Variants in TBR1 observed in about 807,000 individuals in gnomAD.
TBR1 encodes T-box brain transcription factor 1, also known as T-box brain protein 1.
Under a neutral mutation model 60.3 loss-of-function variants are expected in TBR1, and 7 were observed. The observed-to-expected ratio is 0.12, with a 90% confidence interval of 0.07 to 0.22. The LOEUF (loss-of-function observed/expected upper bound fraction) is 0.22. TBR1 is among the 10% of genes least tolerant of loss of function. The probability of loss-of-function intolerance (pLI) is 1.00; values close to 1 mark genes in which losing one functional copy is unlikely to be tolerated. For missense variants in TBR1, 616 were observed against 936.8 expected, an observed-to-expected ratio of 0.66 and a Z score of 4.47; for synonymous variants, 417 against 409.9, an observed-to-expected ratio of 1.02 and a Z score of -0.21.
intron 5 of TBR1, chr2:161,422,463 C>T (rs974969441): frequency 6.6e-6 from 1 of 152,226 alleles, no homozygotes; most frequent in South Asian, 2.1e-4. Context: ...AGTTACCTAG[C>T]TCACAGTGCC....
At chr2:161,418,523 AT>A in intron 3 of TBR1, 1 of 757,566 alleles carries the variant, frequency 1.3e-6, no homozygotes, top group Non-Finnish European at 2.0e-6. Flanking sequence ...CGTCGGCCCA[AT>A]TTTGGAGTGC....
rs752568288 is a variant in TBR1 at position 161,418,373 on chromosome 2, T to TGAC, written c.969+52_969+54dup. 8.2e-5 allele frequency: 130 copies of TGAC among 1,589,024 alleles called. 1 individual carries two copies. In the East Asian group the frequency reaches 2.9e-3, roughly 36 times the overall value. On this transcript the variant is annotated intron_variant, in intron 3 of 5. Transcript: ENST00000389554. ...TCTCTCTCTCTCACCCCTTCCTCCC[T>TGAC]GACATCCAGTTCGTCAGTGTAAAGC...
At chr2:161,419,155 T>A in intron 4 of TBR1, 105 bp downstream of exon 4, 2 of 1,536,160 alleles carry the variant, frequency 1.3e-6, no homozygotes, top group Non-Finnish European at 8.9e-7. Context: ...AGCGCTAACA[T>A]CAGCAACAGC....
Position 161,416,390 on chromosome 2 carries a change from G to A in TBR1, c.-21G>A. ...CTTTAAAAACCAGGGACGGGAGGGC[G>A]AGTGTTCAGGTTCTAGAGCTATGCA... On this transcript the variant is annotated 5_prime_UTR_variant, in exon 1 of 6. Transcript: ENST00000389554. The surrounding 1 kb of genome is among the most constrained non-coding windows in gnomAD (Gnocchi z 6.1). 1 of 1,533,574 alleles carries A rather than the reference G, an allele frequency of 6.5e-7. No individual in the cohort carries two copies. Among genetic ancestry groups the A allele is most frequent in the African/African-American group, 1.4e-5 (1 of 72,342 alleles). The allele number at this position is 1,533,574 out of a possible 1,614,324, so 95.0% of individuals were successfully genotyped here.
At chr2:161,422,514 T>C (rs1684248588) in intron 5 of TBR1, 1 of 152,242 alleles carries the variant, frequency 6.6e-6, no homozygotes, top group African/African-American at 2.4e-5. Flanking sequence ...CTATTATTAG[T>C]GGTCCATTGC....
At chr2:161,419,218 T>TG in intron 4 of TBR1, 168 bp downstream of exon 4, 1 of 953,984 alleles carries the variant, frequency 1.0e-6, no homozygotes, top group Non-Finnish European at 1.5e-6. Context: ...CCACGGCACC[T>TG]TTCCTAAATA....
intron 5 of TBR1, chr2:161,420,759 T>C (rs1684219136): frequency 6.6e-6 from 1 of 152,622 alleles, no homozygotes; most frequent in Non-Finnish European, 1.5e-5. Context: ...CCAAGTTTTG[T>C]ATAATAGCAT....
Position 161,424,076 on chromosome 2 carries a change from A to G in TBR1, c.1898A>G (p.Glu633Gly). ...SIDSSDSGIY[E>G]QAKRRRISPA... ...GACTCCAGCGACTCGGGGATTTACG[A>G]GCAGGCCAAGCGGAGGCGGATCTCG... Residue 633 changes from glutamate to glycine, a missense_variant, in exon 6 of 6, where the codon GAG becomes GGG. Transcript: ENST00000389554. The surrounding 1 kb of genome is among the most constrained non-coding windows in gnomAD (Gnocchi z 4.4). The G allele has an allele frequency of 6.2e-7, 1 of 1,611,260 alleles. No homozygotes were observed. The highest frequency in any genetic ancestry group is 8.5e-7 in the Non-Finnish European group (1 of 1,179,124).
At position 161,424,315 on chromosome 2, in the gene TBR1, T is replaced by C. The variant is rs1332411288; in HGVS notation, c.*88T>C. On this transcript the variant is annotated 3_prime_UTR_variant, in exon 6 of 6. Coordinates refer to ENST00000389554, the MANE Select transcript of TBR1 (RefSeq NM_006593.4). The surrounding 1 kb of genome is among the most constrained non-coding windows in gnomAD (Gnocchi z 4.4). ...CCCCAGCTCCGCCTCCCCACACTCC[T>C]CCTTGCGCACCCACTCATTTTATTT... The C allele has an allele frequency of 1.4e-5, 19 of 1,355,280 alleles. No individual in the cohort carries two copies. In the Admixed American group the frequency reaches 4.6e-4, roughly 33 times the overall value. 84.0% of individuals were successfully genotyped at this position (1,355,280 alleles called of 1,614,324 possible).
chr2:161,417,903 C>G lies in TBR1; in HGVS notation c.847+73C>G. On this transcript the variant is annotated intron_variant, in intron 2 of 5. Transcript: ENST00000389554. The surrounding 1 kb of genome is among the most constrained non-coding windows in gnomAD (Gnocchi z 5.3). ...AATGATTAATTAAAGCCTTTGTGGA[C>G]TGGCTCGAGCGACTTTTAAAACGAT... The G allele has an allele frequency of 2.0e-6, 3 of 1,535,040 alleles. No individual in the cohort carries two copies.
At chr2:161,418,050 A>T in intron 2 of TBR1, 151 bp from the exon 3 acceptor site, 2 of 1,459,446 alleles carry the variant, frequency 1.4e-6, no homozygotes, top group South Asian at 1.5e-5. Context: ...AGAATGGCCT[A>T]AAAAAGCCCC....
rs966019127 is a variant in TBR1, at chr2:161,425,204, A to G, written c.*977A>G. ...TATTTTGCCTTATTTGTTTTTCCCC[A>G]AAGTGCCAAATCCATTACTGGTCTG... On this transcript the variant is annotated 3_prime_UTR_variant, in exon 6 of 6. Transcript: ENST00000389554. 8 of 152,216 alleles carry G rather than the reference A, an allele frequency of 5.3e-5. No individual in the cohort carries two copies. The highest frequency in any genetic ancestry group is 5.2e-4 in the Admixed American group (8 of 15,280). The allele number at this position is 152,216 out of a possible 1,614,324, so 9.4% of individuals were successfully genotyped here. A position where few individuals can be genotyped will look rare whatever the true frequency, so the allele number is the denominator to read the frequency against.
Position 161,416,817 on chromosome 2 carries a change from C to A in TBR1, c.407C>A (p.Ala136Asp). 6.2e-7 allele frequency: 1 copy of A among 1,614,164 alleles called. No individual in the cohort carries two copies. The highest frequency in any genetic ancestry group is 8.5e-7 in the Non-Finnish European group (1 of 1,180,042). ...YPGQHGPAHP[A>D]FSIGSPSRYM... Reference sequence around the variant, plus strand: ...GGCCAGCACGGACCGGCGCACCCCGCCTTCTCCATCGGCAGCCCTAGCCGC... The same window carrying A: ...GGCCAGCACGGACCGGCGCACCCCGACTTCTCCATCGGCAGCCCTAGCCGC... The change falls in exon 1 of 6, where the codon GCC becomes GAC. Residue 136 changes from alanine (A) to aspartate (D), a missense_variant. Physicochemically the swap from Ala to Asp is moderately radical, Grantham distance 126 (BLOSUM62 -2). Coordinates refer to ENST00000389554, the MANE Select transcript of TBR1 (RefSeq NM_006593.4). The surrounding 1 kb of genome is among the most constrained non-coding windows in gnomAD (Gnocchi z 6.1).
At chr2:161,418,740 G>T (rs1684176781) in intron 3 of TBR1, 152 bp from the exon 4 acceptor site, 1 of 1,087,146 alleles carries the variant, frequency 9.2e-7, no homozygotes, top group African/African-American at 1.7e-5. Flanking sequence ...CCAGCCAGCC[G>T]CCAGCCAGGC....
Position 161,423,530 on chromosome 2 carries a change from C to T in TBR1, c.1352C>T (p.Ala451Val). 1.9e-6 allele frequency: 3 copies of T among 1,575,920 alleles called. No individual in the cohort carries two copies. Among genetic ancestry groups the T allele is most frequent in the Non-Finnish European group, 2.6e-6 (3 of 1,164,138 alleles). ...AKARFHPGAGAGPGPGTDRSV... is the reference protein window; with the variant it reads ...AKARFHPGAGVGPGPGTDRSV... Reference sequence around the variant, plus strand: ...GCCCGCTTCCACCCGGGCGCGGGCGCGGGCCCCGGGCCGGGTACGGACCGC... The same window carrying T: ...GCCCGCTTCCACCCGGGCGCGGGCGTGGGCCCCGGGCCGGGTACGGACCGC... The change falls in exon 6 of 6, where the codon GCG (alanine) becomes GTG (valine). Residue 451 changes from alanine to valine, a missense_variant. Physicochemically the swap from Ala to Val is moderately conservative, Grantham distance 64. Transcript: ENST00000389554.
Position 161,424,262 on chromosome 2 carries a change from G to C in TBR1, c.*35G>C. The C allele has an allele frequency of 6.6e-7, 1 of 1,516,230 alleles. No individual in the cohort carries two copies. The highest frequency in any genetic ancestry group is 8.9e-7 in the Non-Finnish European group (1 of 1,125,366). The allele number at this position is 1,516,230 out of a possible 1,614,324, so 93.9% of individuals were successfully genotyped here. On this transcript the variant is annotated 3_prime_UTR_variant, in exon 6 of 6. Coordinates refer to ENST00000389554, the MANE Select transcript of TBR1 (RefSeq NM_006593.4). The surrounding 1 kb of genome is among the most constrained non-coding windows in gnomAD (Gnocchi z 4.4). ...GCCCGCCCGGCCCCGCCGCGGCCCG[G>C]ACCCCCAGCCAGCCCCTCACAGCTC...
chr2:161,416,443 C>A lies in TBR1; in HGVS notation c.33C>A (p.Ile11=). Residue 11 remains isoleucine (I), a synonymous_variant, in exon 1 of 6, where the codon ATC becomes ATA. Transcript: ENST00000389554. The surrounding 1 kb of genome is among the most constrained non-coding windows in gnomAD (Gnocchi z 6.1). ...TGGAGCACTGCCTTTCTCCTTCTATCATGCTCTCCAAGAAATTTCTCAATG... is the reference window on the plus strand; with the variant it reads ...TGGAGCACTGCCTTTCTCCTTCTATAATGCTCTCCAAGAAATTTCTCAATG... The part of the protein sequence containing the change: MQLEHCLSPS[I]MLSKKFLNVS... The A allele has an allele frequency of 1.9e-6, 3 of 1,608,116 alleles. No homozygotes were observed. Among genetic ancestry groups the A allele is most frequent in the Non-Finnish European group, 2.5e-6 (3 of 1,176,718 alleles).
At position 161,417,983 on chromosome 2, in the gene TBR1, G is replaced by A; in HGVS notation, c.847+153G>A. 1 of 1,452,936 alleles carries A rather than the reference G, an allele frequency of 6.9e-7. No homozygotes were observed. Among genetic ancestry groups the A allele is most frequent in the East Asian group, 2.5e-5 (1 of 40,158 alleles). The allele number at this position is 1,452,936 out of a possible 1,614,324, so 90.0% of individuals were successfully genotyped here. On this transcript the variant is annotated intron_variant, in intron 2 of 5. Coordinates refer to ENST00000389554, the MANE Select transcript of TBR1 (RefSeq NM_006593.4). The surrounding 1 kb of genome is among the most constrained non-coding windows in gnomAD (Gnocchi z 5.3). ...GGGACAGGGGGACAGACTGAGCTGCGAGAAGGGGGAGGATTATGCAAAAGC... is the reference window on the plus strand; with the variant it reads ...GGGACAGGGGGACAGACTGAGCTGCAAGAAGGGGGAGGATTATGCAAAAGC...
At position 161,423,423 on chromosome 2, in the gene TBR1, G is replaced by T. The variant is rs376920114; in HGVS notation, c.1245G>T (p.Pro415=). The T allele has an allele frequency of 1.4e-5, 23 of 1,592,912 alleles. No homozygotes were observed. The highest frequency in any genetic ancestry group is 1.9e-5 in the Non-Finnish European group (22 of 1,169,966). Residue 415 remains proline (P), a synonymous_variant, in exon 6 of 6, where the codon CCG becomes CCT. Transcript: ENST00000389554. ...DRLTPSPNDS[P]RSQIVPGARY... ...TGACCCCCTCGCCCAACGACTCGCCGCGCTCGCAGATCGTGCCCGGGGCCC... is the reference window on the plus strand; with the variant it reads ...TGACCCCCTCGCCCAACGACTCGCCTCGCTCGCAGATCGTGCCCGGGGCCC...
Sources: allele counts gnomAD v4.1 joint callset, GRCh38; gene constraint gnomAD v4.1.1; non-coding constraint Gnocchi (gnomAD v3.1); transcripts MANE v1.5; gene names NCBI Gene and HGNC (gene_info 2026-07-23, HGNC 2026-07-21).